The following CSMD1 variants were observed in gnomAD, a reference collection of about 807,000 sequenced individuals.
CSMD1 encodes the protein CUB and Sushi multiple domains 1, also known as CUB and sushi domain-containing protein 1.
In CSMD1, 213 loss-of-function variants were observed where a neutral mutation model predicts 417.5. The ratio of observed to expected loss-of-function variants is 0.51; its 90% confidence interval spans 0.46 to 0.57. The LOEUF is 0.57. CSMD1 is among the 20% of genes least tolerant of loss of function. The pLI, the probability that CSMD1 is intolerant of heterozygous loss-of-function variation, is 0.00. For missense variants in CSMD1, 6,923 were observed against 4,529.7 expected (o/e 1.53, Z -15.17); for synonymous variants, 2,862 against 1,736.8 (o/e 1.65, Z -16.11).
chr8:4,617,720 A>G (rs912705060), intron 2 of CSMD1, among the ~76,000 whole-genome samples: 1 of 152,024 alleles, frequency 6.6e-6, no homozygotes, highest in Non-Finnish European at 1.5e-5. Context: ...TCCACTTATT[A>G]CCTACCCCAA....
intron 28 of CSMD1, among the ~76,000 whole-genome samples, chr8:3,221,239 C>T (rs1798193805): frequency 6.6e-6 from 1 of 152,128 alleles, no homozygotes; most frequent in African/African-American, 2.4e-5. Flanking sequence ...ACCCTCACTC[C>T]ACATCCTGAA....
chr8:4,194,055 T>C (rs1477815715), intron 3 of CSMD1, among the ~76,000 whole-genome samples: 1 of 152,176 alleles, frequency 6.6e-6, no homozygotes, highest in African/African-American at 2.4e-5. Flanking sequence ...GTAACTTTCA[T>C]ATACAAAAAA....
chr8:3,090,236 G>C (rs1215015968), intron 48 of CSMD1, among the ~76,000 whole-genome samples: 1 of 139,640 alleles, frequency 7.2e-6, no homozygotes, highest in Admixed American at 7.9e-5. Flanking sequence ...AGAATGGCCT[G>C]AACCCGGGAG....
chr8:3,060,024 T>G (rs1017875042), intron 49 of CSMD1, among the ~76,000 whole-genome samples: 3 of 152,164 alleles, frequency 2.0e-5, no homozygotes, highest in African/African-American at 4.8e-5. Context: ...GTGAAGACCA[T>G]GAAGTATTTC....
intron 49 of CSMD1, 89 bp downstream of exon 49, chr8:3,087,007 CT>C (rs1028622412): frequency 1.7e-4 from 196 of 1,171,424 alleles, no homozygotes; most frequent in Non-Finnish European, 2.3e-4. Context: ...ACCTTTTATT[CT>C]TAGTTAGTGC....
At chr8:4,243,791 C>A (rs1312198676) in intron 3 of CSMD1, among the ~76,000 whole-genome samples, 1 of 152,124 alleles carries the variant, frequency 6.6e-6, no homozygotes, top group East Asian at 1.9e-4. Context: ...GAAAGAAAAG[C>A]AAATCATGAC....
chr8:4,819,444 T>C (rs1238812360), intron 1 of CSMD1, among the ~76,000 whole-genome samples: 1 of 132,260 alleles, frequency 7.6e-6, no homozygotes, highest in Non-Finnish European at 1.5e-5. Context: ...CCAACTGACT[T>C]ATAGAAATAT....
At chr8:4,152,303 A>T (rs1317159020) in intron 3 of CSMD1, among the ~76,000 whole-genome samples, 1 of 152,196 alleles carries the variant, frequency 6.6e-6, no homozygotes, top group Non-Finnish European at 1.5e-5. Context: ...ACTTCCAGTT[A>T]TAAATCAGCT....
At chr8:3,091,057 AATAT>A (rs930473270) in intron 48 of CSMD1, among the ~76,000 whole-genome samples, 1 of 151,890 alleles carries the variant, frequency 6.6e-6, no homozygotes, top group Non-Finnish European at 1.5e-5. Context: ...TATTTGTACA[AATAT>A]ATATATACAC....
intron 2 of CSMD1, among the ~76,000 whole-genome samples, chr8:4,623,903 G>A (rs776290481): frequency 3.3e-5 from 5 of 152,042 alleles, no homozygotes; most frequent in Non-Finnish European, 5.9e-5. Flanking sequence ...AGAAATATTC[G>A]TTAGCTTGAT....
chr8:4,895,066 T>G (rs535414343), intron 1 of CSMD1, among the ~76,000 whole-genome samples: 1 of 152,332 alleles, frequency 6.6e-6, no homozygotes, highest in East Asian at 1.9e-4. Flanking sequence ...TTTCTGTACA[T>G]TAAACATGAG....
At chr8:4,379,086 C>T (rs1356282302) in intron 3 of CSMD1, among the ~76,000 whole-genome samples, 4 of 152,154 alleles carry the variant, frequency 2.6e-5, no homozygotes, top group East Asian at 1.9e-4. Flanking sequence ...TCAGCCTACA[C>T]CACCTTACCA....
rs180762039 is a variant in CSMD1, at chr8:3,831,501, T to C, written c.819-77459A>G. 1.3e-3 allele frequency among the ~76,000 whole-genome samples: 191 copies of C among 152,192 alleles called. 2 individuals are homozygous for C. The highest frequency in any genetic ancestry group is 4.5e-3 in the African/African-American group (187 of 41,524). On this transcript the variant is annotated intron_variant, in intron 5 of 69. Coordinates refer to ENST00000635120, the MANE Select transcript of CSMD1 (RefSeq NM_033225.6). ...GAGGTACTGAAGCCCACAGTGTAGA[T>C]GCTTAAAAATTAATTTTGGAGAACA...
At chr8:3,942,604 C>A (rs1459666570) in intron 5 of CSMD1, among the ~76,000 whole-genome samples, 1 of 152,152 alleles carries the variant, frequency 6.6e-6, no homozygotes, top group African/African-American at 2.4e-5. Flanking sequence ...CCTCTAAAGG[C>A]GACATTGGTC....
chr8:3,947,561 T>A (rs1811315651), intron 5 of CSMD1, among the ~76,000 whole-genome samples: 3 of 152,342 alleles, frequency 2.0e-5, no homozygotes, highest in African/African-American at 7.2e-5. Flanking sequence ...CTCCTTATAT[T>A]TGGAAATTAA....
chr8:3,944,041 A>G (rs923037918), intron 5 of CSMD1, among the ~76,000 whole-genome samples: 6 of 152,160 alleles, frequency 3.9e-5, no homozygotes, highest in Admixed American at 6.6e-5. Context: ...GTGAAAGAAC[A>G]TGTTCTTGTT....
At chr8:4,576,011 G>A (rs1465337675) in intron 2 of CSMD1, among the ~76,000 whole-genome samples, 1 of 152,082 alleles carries the variant, frequency 6.6e-6, no homozygotes, top group East Asian at 1.9e-4. Flanking sequence ...TGATCTCTTG[G>A]GTGGAAAAAT....
intron 1 of CSMD1, among the ~76,000 whole-genome samples, chr8:4,657,104 C>G (rs77562707): frequency 0.027 from 4,118 of 152,210 alleles, 71 homozygotes; most frequent in South Asian, 0.051. Context: ...CAGATTTTCT[C>G]TGGGATATAA....
At chr8:4,051,922 TTTTC>T (rs1211585381) in intron 3 of CSMD1, among the ~76,000 whole-genome samples, 214 of 150,744 alleles carry the variant, frequency 1.4e-3, no homozygotes, top group African/African-American at 5.1e-3. Flanking sequence ...CTTTCTTTCT[TTTTC>T]TTTCTTTCTT....
Sources: allele counts gnomAD v4.1 joint callset (sites outside exome capture counted in the v4.1 genomes callset), GRCh38; gene constraint gnomAD v4.1.1; transcripts MANE v1.5; gene names NCBI Gene and HGNC (gene_info 2026-07-23, HGNC 2026-07-21).